The following VPS53 variants were observed in gnomAD, a reference collection of about 807,000 sequenced individuals.
VPS53 encodes VPS53 subunit of GARP complex, also known as vacuolar protein sorting-associated protein 53 homolog.
A neutral mutation model predicts 107.0 loss-of-function variants in VPS53; 70 were observed. The observed-to-expected ratio is 0.65, with a 90% CI of 0.54 to 0.80. The LOEUF (loss-of-function observed/expected upper bound fraction) is 0.80, where lower values mean the gene tolerates loss of function less well. Among genes scored for constraint, VPS53 ranks in the 30% least tolerant of loss-of-function variants. VPS53 has a pLI of 0.00. For missense variants in VPS53, 917 were observed against 1,049.4 expected, an observed-to-expected ratio of 0.87 and a Z score of 1.74; for synonymous variants, 409 against 393.3, an observed-to-expected ratio of 1.04 and a Z score of -0.47.
chr17:712,988 T>C (rs113509481), intron 1 of VPS53, among the ~76,000 whole-genome samples: 1,990 of 152,280 alleles, frequency 0.013, 37 homozygotes, highest in African/African-American at 0.045. Flanking sequence ...GCCCAATGGT[T>C]TGGCGTTCTC....
At chr17:602,332 C>A (rs1005884938) in intron 11 of VPS53, among the ~76,000 whole-genome samples, 1 of 152,204 alleles carries the variant, frequency 6.6e-6, no homozygotes, top group Admixed American at 6.5e-5. Context: ...TGTCTTGTTC[C>A]CCATCCTATC....
intron 15 of VPS53, among the ~76,000 whole-genome samples, chr17:556,926 C>A (rs551614376): frequency 2.8e-5 from 4 of 140,598 alleles, no homozygotes; most frequent in Middle Eastern, 3.5e-3. Context: ...GGGGGGTGGC[C>A]AGGAGGGGCT....
intron 19 of VPS53, among the ~76,000 whole-genome samples, chr17:531,313 G>T (rs1909519793): frequency 6.6e-6 from 1 of 152,190 alleles, no homozygotes; most frequent in African/African-American, 2.4e-5. Context: ...CTGGCCTGGG[G>T]TCTGATTAAG....
chr17:615,754 G>A (rs1194350752), intron 11 of VPS53, among the ~76,000 whole-genome samples: 2 of 152,228 alleles, frequency 1.3e-5, no homozygotes, highest in East Asian at 3.8e-4. Flanking sequence ...ATCCTGAAAG[G>A]AAGGTAGCAT....
chr17:519,864 A>T lies in VPS53; in HGVS notation c.2290T>A (p.Cys764Ser). The T allele has an allele frequency of 1.3e-6, 2 of 1,551,742 alleles. No homozygotes were observed. Among genetic ancestry groups the T allele is most frequent in the Non-Finnish European group, 1.7e-6 (2 of 1,146,980 alleles). ...ATCTTCTGAAAGGTTTCTGTGTTGC[A>T]GTCTGTGAGAAGTTTGATGTAGTTG... ...VDNYIKLLTD[C>S]NTETFQKILD... The change falls in exon 21 of 22, where the codon TGC becomes AGC. Residue 764 changes from cysteine to serine, a missense_variant. Physicochemically the swap from Cys to Ser is moderately radical, Grantham distance 112 (BLOSUM62 -1). Coordinates refer to ENST00000437048, the MANE Select transcript of VPS53 (RefSeq NM_001128159.3). The surrounding 1 kb of genome is among the most constrained non-coding windows in gnomAD (Gnocchi z 5.0).
At chr17:575,324 G>C (rs1914502719) in intron 13 of VPS53, among the ~76,000 whole-genome samples, 1 of 152,198 alleles carries the variant, frequency 6.6e-6, no homozygotes, top group Non-Finnish European at 1.5e-5. Flanking sequence ...AAACATGTTT[G>C]AAACTAAGAA....
intron 11 of VPS53, among the ~76,000 whole-genome samples, chr17:613,695 TAC>T (rs1969004073): frequency 6.6e-6 from 1 of 151,160 alleles, no homozygotes; most frequent in Non-Finnish European, 1.5e-5. Flanking sequence ...TGAAAACCTG[TAC>T]AAATATTCAC....
Position 604,734 on chromosome 17 carries a change from A to G in VPS53, c.1117-2838T>C, listed in dbSNP as rs1339916725. On this transcript the variant is annotated intron_variant, in intron 11 of 21. Transcript: ENST00000437048. ...GCTAGAATTACAGGCGTGAGCCACC[A>G]TGCCCGTCCTCTATTAACATGAGGG... 2.0e-5 allele frequency among the ~76,000 whole-genome samples: 3 copies of G among 152,192 alleles called. No individual in the cohort carries two copies. In the East Asian group the frequency reaches 5.8e-4, roughly 29 times the overall value.
intron 7 of VPS53, among the ~76,000 whole-genome samples, chr17:645,872 G>A (rs1223000708): frequency 7.8e-6 from 1 of 128,818 alleles, no homozygotes; most frequent in African/African-American, 2.7e-5. Flanking sequence ...ACATCTCCGT[G>A]ACCGCGTGGT....
At chr17:531,370 C>T (rs12453108) in intron 19 of VPS53, among the ~76,000 whole-genome samples, 35 of 152,086 alleles carry the variant, frequency 2.3e-4, no homozygotes, top group African/African-American at 2.2e-4. Flanking sequence ...CACCTCAAAA[C>T]GGAAGTAAAC....
intron 13 of VPS53, among the ~76,000 whole-genome samples, chr17:573,537 CA>C (rs568840590): frequency 1.3e-5 from 2 of 152,298 alleles, no homozygotes; most frequent in Middle Eastern, 6.8e-3. Flanking sequence ...GCCACACTGA[CA>C]AGGCCACCCA....
chr17:572,791 A>G (rs1701138), intron 13 of VPS53, among the ~76,000 whole-genome samples: 103,467 of 145,076 alleles, frequency 0.71, 37,811 homozygotes, highest in African/African-American at 0.79. Context: ...GATTAAGGGC[A>G]GTGCAAGATG....
At chr17:553,588 T>C (rs954937434) in intron 15 of VPS53, 126 bp from the exon 16 acceptor site, 79 of 791,028 alleles carry the variant, frequency 1.0e-4, no homozygotes, top group Non-Finnish European at 1.4e-4. Flanking sequence ...TTTTTTTTTT[T>C]TTTTTGAGAC....
intron 13 of VPS53, among the ~76,000 whole-genome samples, chr17:566,978 C>T (rs1025898692): frequency 1.6e-4 from 24 of 152,052 alleles, no homozygotes; most frequent in African/African-American, 5.6e-4. Flanking sequence ...GAACTCCTGA[C>T]CTAGTGATCG....
intron 1 of VPS53, among the ~76,000 whole-genome samples, chr17:711,850 G>A (rs966560327): frequency 6.8e-6 from 1 of 147,740 alleles, no homozygotes; most frequent in Non-Finnish European, 1.5e-5. Flanking sequence ...GGAGTCTCGC[G>A]CTGTCACCCA....
intron 4 of VPS53, among the ~76,000 whole-genome samples, chr17:693,919 C>A (rs60604159): frequency 4.6e-5 from 7 of 152,120 alleles, no homozygotes; most frequent in African/African-American, 1.7e-4. Flanking sequence ...GAACGTGGGG[C>A]CTCTTGACCT....
intron 13 of VPS53, among the ~76,000 whole-genome samples, chr17:567,037 G>T (rs570890969): frequency 3.3e-5 from 5 of 152,008 alleles, no homozygotes; most frequent in Admixed American, 2.0e-4. Context: ...GAGCCACTGC[G>T]CCCAGCCGAC....
chr17:601,682 G>T, intron 12 of VPS53, 113 bp downstream of exon 12: 1 of 745,168 alleles, frequency 1.3e-6, no homozygotes, highest in Non-Finnish European at 2.2e-6. Context: ...GACCACAACA[G>T]CTGTCATCTC....
intron 6 of VPS53, among the ~76,000 whole-genome samples, chr17:654,867 G>A (rs949572815): frequency 4.6e-5 from 7 of 152,062 alleles, no homozygotes; most frequent in Non-Finnish European, 5.9e-5. Flanking sequence ...TGCCTGGTCT[G>A]ATGGTTTGGT....
Sources: gnomAD v4.1 joint callset for allele counts (sites outside exome capture counted in the v4.1 genomes callset) on GRCh38, gnomAD v4.1.1 for gene constraint, Gnocchi (gnomAD v3.1) non-coding constraint, MANE v1.5 for transcripts, NCBI Gene and HGNC (gene_info 2026-07-23, HGNC 2026-07-21) for gene names.